Variants in HTR3A observed in about 807,000 individuals in gnomAD.
The protein encoded by HTR3A is 5-hydroxytryptamine receptor 3A, also known as 5-hydroxytryptamine (serotonin) receptor 3A, ionotropic.
In HTR3A, 45 loss-of-function variants were observed where a neutral mutation model predicts 54.8. The observed-to-expected ratio is 0.82, with a 90% CI of 0.65 to 1.05. The LOEUF is 1.05. Among genes scored for constraint, HTR3A ranks in the 50% least tolerant of loss-of-function variants. The probability of loss-of-function intolerance (pLI) is 0.00; values close to 1 mark genes in which losing one functional copy is unlikely to be tolerated. For synonymous variants in HTR3A, 297 were observed against 256.0 expected, an observed-to-expected ratio of 1.16 and a Z score of -1.53; for missense variants, 657 against 614.0, an observed-to-expected ratio of 1.07 and a Z score of -0.74.
chr11:113,979,396 C>G, intron 3 of HTR3A, 119 bp downstream of exon 3: 3 of 769,176 alleles, frequency 3.9e-6, no homozygotes, highest in Non-Finnish European at 6.9e-6. Flanking sequence ...GGGGCACCCT[C>G]AGCCTGAGAT....
intron 3 of HTR3A, 104 bp downstream of exon 3, chr11:113,979,381 G>T: frequency 1.2e-6 from 1 of 855,732 alleles, no homozygotes; most frequent in South Asian, 1.3e-5. Context: ...GAGCGGAGAG[G>T]CTGAGGGGCA....
At chr11:113,980,941 T>A in intron 3 of HTR3A, 3 of 497,242 alleles carry the variant, frequency 6.0e-6, no homozygotes, top group Non-Finnish European at 1.1e-5. Context: ...GAGGGGGAAC[T>A]CACAGCATTC....
Position 113,981,315 on chromosome 11 carries a change from G to A in HTR3A, c.374+3G>A. 1 of 1,584,810 alleles carries A rather than the reference G, an allele frequency of 6.3e-7. No individual in the cohort carries two copies. Among genetic ancestry groups the A allele is most frequent in the East Asian group, 2.2e-5 (1 of 44,742 alleles). ...CCGGACATTCTCATCAATGAGTTGT[G>A]AGTACCGTTATCCATTGTGAGGTGG... On this transcript the variant is annotated splice_donor_region_variant and intron_variant, in intron 4 of 8. Transcript: ENST00000504030.
chr11:113,982,982 C>T, intron 4 of HTR3A, 138 bp from the exon 5 acceptor site: 1 of 967,638 alleles, frequency 1.0e-6, no homozygotes, highest in Non-Finnish European at 1.6e-6. Flanking sequence ...AAACCGAGGC[C>T]AGGCAAAACA....
Position 113,975,184 on chromosome 11 carries a change from G to T in HTR3A, c.-142G>T. On this transcript the variant is annotated 5_prime_UTR_variant, in exon 1 of 9. The change creates a new upstream start codon in the 5' untranslated region. Coordinates refer to ENST00000504030, the MANE Select transcript of HTR3A (RefSeq NM_000869.6). ...AACCTTGGTGGCCCAGGGAGTGTGA[G>T]GCTGCAGCCTCAGAAGGTGTGAGCA... 1 of 778,960 alleles carries T rather than the reference G, an allele frequency of 1.3e-6. No individual in the cohort carries two copies. Among genetic ancestry groups the T allele is most frequent in the South Asian group, 1.5e-5 (1 of 68,636 alleles). 48.3% of individuals were successfully genotyped at this position (778,960 alleles called of 1,614,324 possible).
At chr11:113,979,539 C>G (rs2137571925) in intron 3 of HTR3A, among the ~76,000 whole-genome samples, 1 of 152,274 alleles carries the variant, frequency 6.6e-6, no homozygotes, top group East Asian at 1.9e-4. Flanking sequence ...CTTGTCCCAG[C>G]CTCTGTTGAA....
At chr11:113,985,873 C>G in intron 5 of HTR3A, 142 bp from the exon 6 acceptor site, 2 of 851,736 alleles carry the variant, frequency 2.3e-6, no homozygotes. Context: ...GACACTGAGG[C>G]TGAAGGTGAT....
chr11:113,987,382 G>C (rs1950505999), intron 8 of HTR3A, among the ~76,000 whole-genome samples: 1 of 152,116 alleles, frequency 6.6e-6, no homozygotes, highest in Non-Finnish European at 1.5e-5. Flanking sequence ...GGCAATTATT[G>C]GTCTCCCTGC....
chr11:113,976,837 G>A lies in HTR3A; in HGVS notation c.68-934G>A, dbSNP rs373083434. On this transcript the variant is annotated intron_variant, in intron 1 of 8. Coordinates refer to ENST00000504030, the MANE Select transcript of HTR3A (RefSeq NM_000869.6). Reference sequence around the variant, plus strand: ...TCTCCCCTTTGCTGCCCGTATGCTGGCCCTCTAGGTTGTACTCCCTTCACC... The same window carrying A: ...TCTCCCCTTTGCTGCCCGTATGCTGACCCTCTAGGTTGTACTCCCTTCACC... Among the ~76,000 whole-genome samples the A allele has an allele frequency of 3.8e-4, 58 of 151,136 alleles. 1 individual carries two copies. In the East Asian group the frequency reaches 0.011, roughly 28 times the overall value.
At chr11:113,983,051 A>G (rs780349387) in intron 4 of HTR3A, 69 bp from the exon 5 acceptor site, 3 of 1,586,138 alleles carry the variant, frequency 1.9e-6, no homozygotes, top group Non-Finnish European at 2.6e-6. Flanking sequence ...CAGTTGTTCC[A>G]AGATCTTCAG....
intron 5 of HTR3A, among the ~76,000 whole-genome samples, chr11:113,985,000 G>A (rs1950472547): frequency 6.6e-6 from 1 of 152,048 alleles, no homozygotes; most frequent in African/African-American, 2.4e-5. Flanking sequence ...TGACGGTGAT[G>A]CATGACTGCC....
chr11:113,989,706 G>T lies in HTR3A; in HGVS notation c.1380G>T (p.Ala460=). Residue 460 remains alanine, a synonymous_variant, in exon 9 of 9, where the codon GCG becomes GCT. Coordinates refer to ENST00000504030, the MANE Select transcript of HTR3A (RefSeq NM_000869.6). The surrounding 1 kb of genome is among the most constrained non-coding windows in gnomAD (Gnocchi z 4.4). ...TGCTATTCCACATTTACCTGCTAGCGGTGCTGGCCTACAGCATCACCCTGG... is the reference window on the plus strand; with the variant it reads ...TGCTATTCCACATTTACCTGCTAGCTGTGCTGGCCTACAGCATCACCCTGG... ...DKLLFHIYLL[A]VLAYSITLVM... 6.2e-7 allele frequency: 1 copy of T among 1,613,790 alleles called. No individual in the cohort carries two copies. The highest frequency in any genetic ancestry group is 8.5e-7 in the Non-Finnish European group (1 of 1,180,016).
Position 113,986,510 on chromosome 11 carries a change from G to C in HTR3A, c.706-8G>C. 1 of 1,611,874 alleles carries C rather than the reference G, an allele frequency of 6.2e-7. No individual in the cohort carries two copies. Among genetic ancestry groups the C allele is most frequent in the Non-Finnish European group, 8.5e-7 (1 of 1,180,000 alleles). On this transcript the variant is annotated splice_region_variant and splice_polypyrimidine_tract_variant and intron_variant, in intron 6 of 8. Coordinates refer to ENST00000504030, the MANE Select transcript of HTR3A (RefSeq NM_000869.6). Reference sequence around the variant, plus strand: ...CCAGGCTTCCCACAAGCTCTTCTCCGGTCCCAGGTGGTCATCCGCCGGCGG... The same window carrying C: ...CCAGGCTTCCCACAAGCTCTTCTCCCGTCCCAGGTGGTCATCCGCCGGCGG...
At chr11:113,984,842 C>A (rs185048177) in intron 5 of HTR3A, among the ~76,000 whole-genome samples, 2 of 151,784 alleles carry the variant, frequency 1.3e-5, no homozygotes, top group Non-Finnish European at 2.9e-5. Context: ...CACTTCAACT[C>A]GGAGGGTGGA....
In HTR3A at chr11:113,986,301, C is replaced by T. The variant is rs1341065998; in HGVS notation, c.705+126C>T. 10 of 1,260,020 alleles carry T rather than the reference C, an allele frequency of 7.9e-6. No homozygotes were observed. The Admixed American group carries it at 1.8e-4, about 22-fold the overall frequency. 78.1% of individuals were successfully genotyped at this position (1,260,020 alleles called of 1,614,324 possible). On this transcript the variant is annotated intron_variant, in intron 6 of 8. Coordinates refer to ENST00000504030, the MANE Select transcript of HTR3A (RefSeq NM_000869.6). ...CCAGGGTTGCACACATCTGGAACTT[C>T]AGTGAAGTAGATGGAGAAACTCCAT...
At chr11:113,987,498 C>T (rs530917343) in intron 8 of HTR3A, among the ~76,000 whole-genome samples, 12 of 152,216 alleles carry the variant, frequency 7.9e-5, no homozygotes, top group South Asian at 2.1e-4. Context: ...TTTGGGAGGC[C>T]GAGGTGGGAG....
chr11:113,976,136 G>A (rs1199896879), intron 1 of HTR3A, among the ~76,000 whole-genome samples: 1 of 152,196 alleles, frequency 6.6e-6, no homozygotes, highest in East Asian at 1.9e-4. Context: ...ATTAGAGGAA[G>A]CCATCCAGGG....
Position 113,975,110 on chromosome 11 carries a change from A to C in HTR3A, c.-216A>C, listed in dbSNP as rs952334514. On this transcript the variant is annotated 5_prime_UTR_variant, in exon 1 of 9. Coordinates refer to ENST00000504030, the MANE Select transcript of HTR3A (RefSeq NM_000869.6). ...TCCCCTCCCCTTTCCTCCCGCCTGA[A>C]ACATGATCCAGCTGAAGGACTGATT... 1 of 696,582 alleles carries C rather than the reference A, an allele frequency of 1.4e-6. No homozygotes were observed. The highest frequency in any genetic ancestry group is 2.0e-5 in the Admixed American group (1 of 49,876). 43.2% of individuals were successfully genotyped at this position (696,582 alleles called of 1,614,324 possible).
rs188342207 is a variant in HTR3A at position 113,988,177 on chromosome 11, G to A, written c.1138+1131G>A. On this transcript the variant is annotated intron_variant, in intron 8 of 8. Transcript: ENST00000504030. The stretch of plus-strand genomic sequence containing the variant: ...TACATGAGATTTTTGGCTCATCTAA[G>A]GCCATCTCATCAAGAGCTAGTGAAC... Among the ~76,000 whole-genome samples, 13 of 152,318 alleles carry A rather than the reference G, an allele frequency of 8.5e-5. No homozygotes were observed. In the East Asian group the frequency reaches 2.5e-3, roughly 29 times the overall value.
Sources: allele counts gnomAD v4.1 joint callset (sites outside exome capture counted in the v4.1 genomes callset), GRCh38; gene constraint gnomAD v4.1.1; non-coding constraint Gnocchi (gnomAD v3.1); transcripts MANE v1.5; gene names NCBI Gene and HGNC (gene_info 2026-07-23, HGNC 2026-07-21).